The following TMEM201 variants were observed in gnomAD, a reference collection of about 807,000 sequenced individuals.
TMEM201 encodes RP13-15M17.2.
TMEM201 carries 26 observed loss-of-function variants against 63.4 expected under a neutral mutation model. That is an observed-to-expected ratio of 0.41 (90% confidence interval 0.30 to 0.57). TMEM201 has a LOEUF of 0.57. Ranked by LOEUF, TMEM201 falls within the 20% of genes least tolerant of loss-of-function variation. TMEM201 has a pLI of 0.29. For missense variants in TMEM201, 794 were observed against 917.7 expected (o/e 0.87, Z 1.74); for synonymous variants, 417 against 421.6 (o/e 0.99, Z 0.14).
chr1:9,593,803 T>C (rs145739840), intron 1 of TMEM201, among the ~76,000 whole-genome samples: 1 of 152,148 alleles, frequency 6.6e-6, no homozygotes. Context: ...CCAAAGTCAG[T>C]TGGGTGCAGA....
chr1:9,589,331 G>T (rs1643882129), intron 1 of TMEM201, among the ~76,000 whole-genome samples: 1 of 151,918 alleles, frequency 6.6e-6, no homozygotes, highest in Non-Finnish European at 1.5e-5. Flanking sequence ...GAGCCGGTGC[G>T]CACGGGCCGC....
intron 3 of TMEM201, among the ~76,000 whole-genome samples, chr1:9,597,777 C>T (rs1644053295): frequency 6.6e-6 from 1 of 152,110 alleles, no homozygotes; most frequent in African/African-American, 2.4e-5. Context: ...GGGGAACCTG[C>T]GAGAAGGGGA....
At chr1:9,590,242 A>G (rs1019446436) in intron 1 of TMEM201, among the ~76,000 whole-genome samples, 6 of 152,058 alleles carry the variant, frequency 3.9e-5, no homozygotes. Flanking sequence ...CATCTGCAGG[A>G]CCAGCTTGTC....
At chr1:9,592,186 G>A (rs1176045071) in intron 1 of TMEM201, among the ~76,000 whole-genome samples, 1 of 152,156 alleles carries the variant, frequency 6.6e-6, no homozygotes, top group Non-Finnish European at 1.5e-5. Context: ...TGATGCTTCT[G>A]TCGCTGAAGC....
Position 9,605,912 on chromosome 1 carries a change from A to G in TMEM201, c.1161-1645A>G, listed in dbSNP as rs1644234135. Among the ~76,000 whole-genome samples, 1 of 151,824 alleles carries G rather than the reference A, an allele frequency of 6.6e-6. No homozygotes were observed. The highest frequency in any genetic ancestry group is 1.5e-5 in the Non-Finnish European group (1 of 67,926). The stretch of plus-strand genomic sequence containing the variant: ...GGACCCTCCTTTCACACATCCCCCA[A>G]CGGTACTCTCAGGTCACTGGGGGAC... On this transcript the variant is annotated intron_variant, in intron 6 of 10. Coordinates refer to ENST00000340381, the MANE Select transcript of TMEM201 (RefSeq NM_001130924.3). The surrounding 1 kb of genome is among the most constrained non-coding windows in gnomAD (Gnocchi z 5.7).
At chr1:9,599,229 C>CGCACCCGGCCTCCAAATA (rs1644088624) in intron 4 of TMEM201, among the ~76,000 whole-genome samples, 2 of 151,944 alleles carry the variant, frequency 1.3e-5, no homozygotes, top group Non-Finnish European at 1.5e-5. Flanking sequence ...CGTGAGCCAC[C>CGCACCCGGCCTCCAAATA]ATGCCTAGCC....
intron 1 of TMEM201, among the ~76,000 whole-genome samples, chr1:9,593,707 C>T (rs1252860040): frequency 6.6e-6 from 1 of 152,172 alleles, no homozygotes; most frequent in Middle Eastern, 3.2e-3. Context: ...GTCATTGGTC[C>T]CCTAGGCAGG....
intron 1 of TMEM201, among the ~76,000 whole-genome samples, chr1:9,592,734 G>A (rs1403715294): frequency 8.3e-6 from 1 of 121,016 alleles, no homozygotes; most frequent in African/African-American, 2.7e-5. Context: ...GGACGGGGCA[G>A]GTACAGAGCA....
At position 9,598,643 on chromosome 1, in the gene TMEM201, C is replaced by G; in HGVS notation, c.606+18C>G. ...ACGCACAGGTGAGAGGCGGCATCCA[C>G]AGGGCGGGGGTGGGGGTGTTGAGTT... is the stretch of plus-strand genomic sequence containing the variant. On this transcript the variant is annotated intron_variant, in intron 4 of 10. Coordinates refer to ENST00000340381, the MANE Select transcript of TMEM201 (RefSeq NM_001130924.3). 4.4e-6 allele frequency: 7 copies of G among 1,606,448 alleles called. No homozygotes were observed. Among genetic ancestry groups the G allele is most frequent in the Non-Finnish European group, 6.0e-6 (7 of 1,175,018 alleles).
intron 1 of TMEM201, among the ~76,000 whole-genome samples, chr1:9,591,298 C>A (rs1357975783): frequency 6.6e-6 from 1 of 152,228 alleles, no homozygotes; most frequent in Non-Finnish European, 1.5e-5. Flanking sequence ...GGAGGTTGGG[C>A]TACCTGCCCC....
Position 9,588,993 on chromosome 1 carries a change from G to T in TMEM201, c.63G>T (p.Gly21=), listed in dbSNP as rs1363216581. The change falls in exon 1 of 11, where the codon GGG becomes GGT. Residue 21 remains glycine, a synonymous_variant. Transcript: ENST00000340381. ...CGGCCGGCCTGGCCGGCGGCCTGGG[G>T]GTCACGGCGTGCGCCGCGGCCGGCG... ...CPTAGLAGGL[G]VTACAAAGVL... The T allele has an allele frequency of 8.3e-7, 1 of 1,204,738 alleles. No homozygotes were observed. Among genetic ancestry groups the T allele is most frequent in the Admixed American group, 4.5e-5 (1 of 22,298 alleles). The allele number at this position is 1,204,738 out of a possible 1,614,324, so 74.6% of individuals were successfully genotyped here.
At position 9,602,142 on chromosome 1, in the gene TMEM201, C is replaced by T. The variant is rs769582314; in HGVS notation, c.1030C>T (p.Leu344=). ...GGGGCTGCACCTGGCTGAGCAGCAC[C>T]TGCAGGCCGCCTCGCCTAGCTGGCT... is the stretch of plus-strand genomic sequence containing the variant. ...LLGLHLAEQH[L]QAASPSWLDT... Residue 344 remains leucine, a synonymous_variant, in exon 6 of 11, where the codon CTG becomes TTG. Coordinates refer to ENST00000340381, the MANE Select transcript of TMEM201 (RefSeq NM_001130924.3). 2 of 1,612,898 alleles carry T rather than the reference C, an allele frequency of 1.2e-6. No individual in the cohort carries two copies. The highest frequency in any genetic ancestry group is 2.7e-5 in the African/African-American group (2 of 74,952).
chr1:9,609,479 G>A (rs1031817664), intron 7 of TMEM201, among the ~76,000 whole-genome samples: 1 of 152,206 alleles, frequency 6.6e-6, no homozygotes, highest in Admixed American at 6.5e-5. Flanking sequence ...TCTGTGGGAA[G>A]AAGGGCATGG....
chr1:9,605,453 C>T lies in TMEM201; in HGVS notation c.1161-2104C>T, dbSNP rs867819725. Among the ~76,000 whole-genome samples, 24 of 151,530 alleles carry T rather than the reference C, an allele frequency of 1.6e-4. No individual in the cohort carries two copies. The highest frequency in any genetic ancestry group is 5.6e-4 in the African/African-American group (23 of 41,084). ...ACGTGGTTTGAGGGCACAGGGCAGT[C>T]GGGGGGGGTCTCTCGCCAAAGGAAA... On this transcript the variant is annotated intron_variant, in intron 6 of 10. Coordinates refer to ENST00000340381, the MANE Select transcript of TMEM201 (RefSeq NM_001130924.3). This position sits in a 1 kb window ranked among gnomAD's most constrained non-coding sequence, Gnocchi z 5.7.
At position 9,613,059 on chromosome 1, in the gene TMEM201, G is replaced by A; in HGVS notation, c.1977G>A (p.Val659=). 2.6e-6 allele frequency: 4 copies of A among 1,551,186 alleles called. No individual in the cohort carries two copies. Among genetic ancestry groups the A allele is most frequent in the Non-Finnish European group, 1.7e-6 (2 of 1,146,998 alleles). Residue 659 remains valine (V), a synonymous_variant, in exon 11 of 11, where the codon GTG becomes GTA. Coordinates refer to ENST00000340381, the MANE Select transcript of TMEM201 (RefSeq NM_001130924.3). ...SLAANALFTS[V]FLYQSLR is the part of the protein sequence containing the mutation. Reference sequence around the variant, plus strand: ...CCGCCAACGCCCTGTTCACCTCGGTGTTTCTGTACCAGAGCCTGCGCTGAC... The same window carrying A: ...CCGCCAACGCCCTGTTCACCTCGGTATTTCTGTACCAGAGCCTGCGCTGAC...
At position 9,604,634 on chromosome 1, in the gene TMEM201, C is replaced by T. The variant is rs1249841179; in HGVS notation, c.1160+2362C>T. On this transcript the variant is annotated intron_variant, in intron 6 of 10. Coordinates refer to ENST00000340381, the MANE Select transcript of TMEM201 (RefSeq NM_001130924.3). This position sits in a 1 kb window ranked among gnomAD's most constrained non-coding sequence, Gnocchi z 4.1. ...TAGGTATGGGTGACCGTCCCTGAGA[C>T]ATAAGCGAGGTAGATTCAGCCATCC... is the stretch of plus-strand genomic sequence containing the variant. 1.0e-6 allele frequency: 1 copy of T among 985,506 alleles called. No individual in the cohort carries two copies. Among genetic ancestry groups the T allele is most frequent in the African/African-American group, 1.7e-5 (1 of 57,230 alleles). 61.0% of individuals were successfully genotyped at this position (985,506 alleles called of 1,614,324 possible). A position where few individuals can be genotyped will look rare whatever the true frequency, so the allele number is the denominator to read the frequency against.
intron 10 of TMEM201, among the ~76,000 whole-genome samples, chr1:9,612,732 C>G (rs1233327029): frequency 6.6e-6 from 1 of 152,230 alleles, no homozygotes; most frequent in African/African-American, 2.4e-5. Context: ...CAGCTCATGA[C>G]AGCCCAGCCC....
At chr1:9,596,459 G>A (rs964521539) in intron 2 of TMEM201, among the ~76,000 whole-genome samples, 2 of 152,240 alleles carry the variant, frequency 1.3e-5, no homozygotes, top group Non-Finnish European at 2.9e-5. Flanking sequence ...GAGTGAATTA[G>A]CCTGGCTGTG....
In TMEM201 at chr1:9,601,148, T is replaced by A; in HGVS notation, c.650T>A (p.Leu217His). 6.2e-7 allele frequency: 1 copy of A among 1,607,424 alleles called. No homozygotes were observed. Among genetic ancestry groups the A allele is most frequent in the South Asian group, 1.1e-5 (1 of 90,856 alleles). ...AAGTCCCCGGTCCAGGTCATCCTGC[T>A]CCGTGCCCTCGCCTTCCTGGCCTGC... The part of the protein sequence containing the change: ...AVKSPVQVIL[L>H]RALAFLACAF... The change falls in exon 5 of 11, where the codon CTC becomes CAC. Residue 217 changes from leucine to histidine, a missense_variant. Coordinates refer to ENST00000340381, the MANE Select transcript of TMEM201 (RefSeq NM_001130924.3).
Sources: gnomAD v4.1 joint callset for allele counts (sites outside exome capture counted in the v4.1 genomes callset) on GRCh38, gnomAD v4.1.1 for gene constraint, Gnocchi (gnomAD v3.1) non-coding constraint, MANE v1.5 for transcripts, NCBI Gene and HGNC (gene_info 2026-07-23, HGNC 2026-07-21) for gene names.